The following CPE variants were observed in gnomAD, a reference collection of about 807,000 sequenced individuals.
CPE encodes the protein carbocypeptidase E.
A neutral mutation model predicts 53.5 loss-of-function variants in CPE; 17 were observed. The ratio of observed to expected loss-of-function variants is 0.32; its 90% CI spans 0.22 to 0.48. The LOEUF (loss-of-function observed/expected upper bound fraction) is 0.48, where lower values mean the gene tolerates loss of function less well. CPE is among the 20% of genes least tolerant of loss of function. The probability of loss-of-function intolerance (pLI) is 0.99; values close to 1 mark genes in which losing one functional copy is unlikely to be tolerated. For synonymous variants in CPE, 226 were observed against 228.8 expected (o/e 0.99, Z 0.11); for missense variants, 524 against 614.7 (o/e 0.85, Z 1.56).
chr4:165,468,670 C>A (rs1408963669), intron 3 of CPE, among the ~76,000 whole-genome samples: 3 of 152,184 alleles, frequency 2.0e-5, no homozygotes, highest in African/African-American at 7.2e-5. Flanking sequence ...CAAACTCATT[C>A]CCCTGCCTCA....
chr4:165,395,516 A>G (rs1730749058), intron 1 of CPE, among the ~76,000 whole-genome samples: 1 of 152,212 alleles, frequency 6.6e-6, no homozygotes, highest in South Asian at 2.1e-4. Context: ...TTGACAGACT[A>G]ATAAAAATGA....
intron 1 of CPE, among the ~76,000 whole-genome samples, chr4:165,396,417 G>A (rs1730767171): frequency 6.6e-6 from 1 of 152,178 alleles, no homozygotes; most frequent in Non-Finnish European, 1.5e-5. Context: ...CAGCACTTTA[G>A]GAGGCCAAGG....
intron 1 of CPE, chr4:165,405,150 A>G (rs1312723681): frequency 6.5e-6 from 5 of 766,470 alleles, no homozygotes; most frequent in Non-Finnish European, 1.2e-5. Flanking sequence ...AATCCTTTGA[A>G]CACTTGTTGC....
At chr4:165,456,739 A>ATTTTTT (rs35855408) in intron 1 of CPE, among the ~76,000 whole-genome samples, 19 of 101,194 alleles carry the variant, frequency 1.9e-4, no homozygotes, top group African/African-American at 6.3e-4. Flanking sequence ...TGCCCAGCTA[A>ATTTTTT]TTTTTTTTTT....
chr4:165,437,957 T>G (rs1174394528), intron 1 of CPE, among the ~76,000 whole-genome samples: 1 of 152,084 alleles, frequency 6.6e-6, no homozygotes, highest in Admixed American at 6.6e-5. Context: ...TCAGAAAGTG[T>G]CTGGAGGGGT....
chr4:165,380,336 A>C (rs2126648991), intron 1 of CPE, among the ~76,000 whole-genome samples: 1 of 152,286 alleles, frequency 6.6e-6, no homozygotes, highest in East Asian at 1.9e-4. Flanking sequence ...TGGGGTCTTT[A>C]TTCCAACTGA....
intron 1 of CPE, among the ~76,000 whole-genome samples, chr4:165,414,614 G>A (rs980244605): frequency 1.3e-5 from 2 of 151,848 alleles, no homozygotes; most frequent in Non-Finnish European, 2.9e-5. Flanking sequence ...AATATTGACT[G>A]GTCTGCAAAA....
Position 165,464,437 on chromosome 4 carries a change from G to A in CPE, c.355G>A (p.Val119Ile). Reference protein sequence around the residue: ...YIGNMHGNEAVGRELLIFLAQ... With the variant: ...YIGNMHGNEAIGRELLIFLAQ... ...TGGGAATATGCATGGGAATGAGGCT[G>A]TTGGACGAGAACTGCTCATTTTCTT... The change falls in exon 2 of 9, where the codon GTT becomes ATT. Residue 119 changes from valine to isoleucine, a missense_variant. Val to Ile is a conservative substitution (Grantham distance 29). Transcript: ENST00000402744. The A allele has an allele frequency of 6.2e-7, 1 of 1,612,862 alleles. No homozygotes were observed. Among genetic ancestry groups the A allele is most frequent in the South Asian group, 1.1e-5 (1 of 90,808 alleles).
chr4:165,492,108 G>A lies in CPE; in HGVS notation c.1114-1063G>A, dbSNP rs144433876. Among the ~76,000 whole-genome samples the A allele has an allele frequency of 3.3e-3, 501 of 152,296 alleles. 2 individuals are homozygous for A. The highest frequency in any genetic ancestry group is 0.011 in the African/African-American group (461 of 41,566). ...CAAAATAAAGAGAAAAGCAGTTTTT[G>A]TAGTTTGCAGTGTATTAAATAATAG... is the stretch of plus-strand genomic sequence containing the variant. On this transcript the variant is annotated intron_variant, in intron 6 of 8. Transcript: ENST00000402744.
intron 3 of CPE, 142 bp downstream of exon 3, chr4:165,467,997 A>T (rs1732139087): frequency 1.1e-6 from 1 of 943,874 alleles, no homozygotes; most frequent in South Asian, 1.8e-5. Flanking sequence ...CAAGGCTGGA[A>T]GGGCTGGTGC....
intron 1 of CPE, among the ~76,000 whole-genome samples, chr4:165,421,553 C>A (rs967818664): frequency 1.5e-4 from 23 of 152,224 alleles, no homozygotes; most frequent in South Asian, 2.1e-4. Flanking sequence ...ACCTCACAGC[C>A]CTGCATCCTT....
chr4:165,441,890 A>G (rs1323704835), intron 1 of CPE, among the ~76,000 whole-genome samples: 1 of 152,198 alleles, frequency 6.6e-6, no homozygotes, highest in Non-Finnish European at 1.5e-5. Flanking sequence ...GGAAGTAGGA[A>G]TGCATTCATA....
Position 165,442,047 on chromosome 4 carries a change from GT to G in CPE, c.308-22330del, listed in dbSNP as rs1054878301. Among the ~76,000 whole-genome samples the G allele has an allele frequency of 4.9e-4, 28 of 57,112 alleles. 1 individual carries two copies. Among genetic ancestry groups the G allele is most frequent in the East Asian group, 4.8e-3 (8 of 1,674 alleles). 37.5% of individuals were successfully genotyped at this position (57,112 alleles called of 152,430 possible). ...TGTTTTTTTTTTTTGTTTTTTTTTT[GT>G]TTTTTTTTTTTTGAGACAGGGTCTA... On this transcript the variant is annotated intron_variant, in intron 1 of 8. Coordinates refer to ENST00000402744, the MANE Select transcript of CPE (RefSeq NM_001873.4).
At chr4:165,436,365 A>C (rs781101668) in intron 1 of CPE, among the ~76,000 whole-genome samples, 10 of 152,192 alleles carry the variant, frequency 6.6e-5, no homozygotes, top group Non-Finnish European at 1.2e-4. Flanking sequence ...ATGGCTTTAG[A>C]TGCTGCATTT....
intron 1 of CPE, among the ~76,000 whole-genome samples, chr4:165,390,119 A>G (rs1730657006): frequency 6.6e-6 from 1 of 152,188 alleles, no homozygotes; most frequent in African/African-American, 2.4e-5. Context: ...ATCAATCCAT[A>G]ATTCTGCCTT....
intron 1 of CPE, among the ~76,000 whole-genome samples, chr4:165,408,671 C>T (rs764533777): frequency 2.0e-5 from 3 of 152,190 alleles, no homozygotes; most frequent in African/African-American, 4.8e-5. Context: ...GGTCCCACCC[C>T]CAGAGTTTGA....
At chr4:165,406,262 A>G (rs139598884) in intron 1 of CPE, 228 of 637,468 alleles carry the variant, frequency 3.6e-4, no homozygotes, top group African/African-American at 2.5e-3. Flanking sequence ...AGGACCCTGT[A>G]AAATTGCGGC....
chr4:165,489,300 A>G (rs1202183723), intron 6 of CPE, among the ~76,000 whole-genome samples: 15 of 152,168 alleles, frequency 9.9e-5, no homozygotes, highest in Admixed American at 9.2e-4. Flanking sequence ...GTTTAATAAT[A>G]TTTGTCTTAA....
chr4:165,426,573 T>C (rs1321887883), intron 1 of CPE, among the ~76,000 whole-genome samples: 2 of 147,904 alleles, frequency 1.4e-5, no homozygotes, highest in African/African-American at 5.0e-5. Flanking sequence ...AGTGGCCTAT[T>C]TTATGTAATG....
Sources: gnomAD v4.1 joint callset for allele counts (sites outside exome capture counted in the v4.1 genomes callset) on GRCh38, gnomAD v4.1.1 for gene constraint, MANE v1.5 for transcripts, NCBI Gene and HGNC (gene_info 2026-07-23, HGNC 2026-07-21) for gene names.